Variants in PTPRG observed in about 807,000 individuals in gnomAD.
PTPRG encodes the protein receptor-type tyrosine-protein phosphatase gamma.
In PTPRG, 102 loss-of-function variants were observed where a neutral mutation model predicts 165.3. That is an observed-to-expected ratio of 0.62 (90% CI 0.53 to 0.73). The LOEUF is 0.73. PTPRG is among the 30% of genes least tolerant of loss of function. PTPRG has a pLI of 0.00. For synonymous variants in PTPRG, 675 were observed against 669.5 expected, an observed-to-expected ratio of 1.01 and a Z score of -0.13; for missense variants, 1,866 against 1,861.4, an observed-to-expected ratio of 1.00 and a Z score of -0.05.
chr3:61,808,483 C>T (rs1323456770), intron 2 of PTPRG, among the ~76,000 whole-genome samples: 1 of 152,014 alleles, frequency 6.6e-6, no homozygotes, highest in African/African-American at 2.4e-5. Context: ...GTTTGGGAAC[C>T]CGTAAAAGAA....
chr3:62,209,298 G>A (rs1475624219), intron 12 of PTPRG, among the ~76,000 whole-genome samples: 1 of 152,034 alleles, frequency 6.6e-6, no homozygotes, highest in Admixed American at 6.6e-5. Flanking sequence ...ATGGCGCACA[G>A]GACAGCTCCA....
intron 1 of PTPRG, among the ~76,000 whole-genome samples, chr3:61,619,694 T>C (rs553085110): frequency 6.6e-6 from 1 of 152,290 alleles, no homozygotes; most frequent in East Asian, 1.9e-4. Flanking sequence ...CATGAATTAA[T>C]AGAAAATGGT....
At chr3:62,025,651 A>G (rs2041788498) in intron 4 of PTPRG, among the ~76,000 whole-genome samples, 1 of 152,122 alleles carries the variant, frequency 6.6e-6, no homozygotes, top group African/African-American at 2.4e-5. Flanking sequence ...TCCCTCAGGT[A>G]TCTACCTGTC....
At chr3:61,960,181 C>G (rs2040119439) in intron 2 of PTPRG, among the ~76,000 whole-genome samples, 1 of 151,908 alleles carries the variant, frequency 6.6e-6, no homozygotes, top group Non-Finnish European at 1.5e-5. Context: ...TTCTCCCCCA[C>G]TGGAATGCAA....
In PTPRG at chr3:61,743,634, G is replaced by A. The variant is rs11918730; in HGVS notation, c.86-5244G>A. Among the ~76,000 whole-genome samples the A allele has an allele frequency of 6.3e-3, 955 of 152,126 alleles. 10 individuals are homozygous for A. Among genetic ancestry groups the A allele is most frequent in the African/African-American group, 0.02 (841 of 41,506 alleles). On this transcript the variant is annotated intron_variant, in intron 1 of 29. Coordinates refer to ENST00000474889, the MANE Select transcript of PTPRG (RefSeq NM_002841.4). The stretch of plus-strand genomic sequence containing the variant: ...TACATAACTGATATTCCAATTTCTC[G>A]CTGTGCTATAACATGACTAAAAGTC...
chr3:61,588,302 T>A (rs190896051), intron 1 of PTPRG, among the ~76,000 whole-genome samples: 18 of 152,322 alleles, frequency 1.2e-4, no homozygotes, highest in Non-Finnish European at 1.2e-4. Context: ...TTATACATAC[T>A]TTCCTAAATT....
At chr3:61,775,808 T>G (rs2034361091) in intron 2 of PTPRG, among the ~76,000 whole-genome samples, 2 of 151,782 alleles carry the variant, frequency 1.3e-5, no homozygotes, top group Admixed American at 1.3e-4. Flanking sequence ...ACCATCATTC[T>G]CAGCAAACTA....
intron 5 of PTPRG, among the ~76,000 whole-genome samples, chr3:62,096,879 A>G (rs1702137328): frequency 6.6e-6 from 1 of 152,150 alleles, no homozygotes; most frequent in Admixed American, 6.5e-5. Flanking sequence ...CACATTTTAT[A>G]CTCAGTTATA....
chr3:62,099,368 T>C (rs899489450), intron 5 of PTPRG, among the ~76,000 whole-genome samples: 2 of 152,336 alleles, frequency 1.3e-5, no homozygotes. Flanking sequence ...GCCTGAAAAT[T>C]AATTCTAAGA....
chr3:61,851,895 G>A (rs926219857), intron 2 of PTPRG, among the ~76,000 whole-genome samples: 10 of 152,038 alleles, frequency 6.6e-5, no homozygotes, highest in African/African-American at 2.4e-4. Flanking sequence ...ATTTTAAATT[G>A]GAGTCACGTA....
intron 4 of PTPRG, among the ~76,000 whole-genome samples, chr3:62,067,226 C>CTA (rs1490187214): frequency 6.6e-6 from 1 of 150,396 alleles, no homozygotes; most frequent in Non-Finnish European, 1.5e-5. Context: ...CATCTCAGCA[C>CTA]TATGGACATT....
At chr3:61,754,235 T>G (rs1427907756) in intron 2 of PTPRG, among the ~76,000 whole-genome samples, 1 of 152,200 alleles carries the variant, frequency 6.6e-6, no homozygotes, top group African/African-American at 2.4e-5. Context: ...TCCATGGTCC[T>G]CTCCAACTGT....
Position 61,945,120 on chromosome 3 carries a change from T to C in PTPRG, c.191-44505T>C, listed in dbSNP as rs535533237. 3.9e-5 allele frequency among the ~76,000 whole-genome samples: 6 copies of C among 152,286 alleles called. No homozygotes were observed. In the South Asian group the frequency reaches 1.0e-3, roughly 26 times the overall value. ...CAGGGGCAGAGGTGATCAGTGACCA[T>C]TGCACAGAATATCAGTAAGTGTTGT... is the stretch of plus-strand genomic sequence containing the variant. On this transcript the variant is annotated intron_variant, in intron 2 of 29. Transcript: ENST00000474889.
intron 8 of PTPRG, among the ~76,000 whole-genome samples, chr3:62,187,482 A>G (rs914768259): frequency 2.0e-5 from 3 of 152,196 alleles, no homozygotes; most frequent in Non-Finnish European, 4.4e-5. Context: ...ACACATGAAA[A>G]TCCTATGAAA....
At chr3:62,069,640 T>TCC (rs1386019454) in intron 4 of PTPRG, among the ~76,000 whole-genome samples, 3 of 2,026 alleles carry the variant, frequency 1.5e-3, no homozygotes, top group African/African-American at 3.2e-3. Context: ...GATCGATGTC[T>TCC]CTCTCTCTCT....
At chr3:61,814,781 G>A (rs749540098) in intron 2 of PTPRG, among the ~76,000 whole-genome samples, 3 of 151,012 alleles carry the variant, frequency 2.0e-5, no homozygotes, top group Non-Finnish European at 2.9e-5. Flanking sequence ...GGATGACTGG[G>A]AGGGGCTCAG....
intron 1 of PTPRG, among the ~76,000 whole-genome samples, chr3:61,740,014 T>C (rs1318374553): frequency 1.3e-5 from 2 of 152,186 alleles, no homozygotes; most frequent in African/African-American, 4.8e-5. Flanking sequence ...TGCATACATG[T>C]ACAGTGGGTG....
intron 2 of PTPRG, among the ~76,000 whole-genome samples, chr3:61,781,988 C>T (rs1005489577): frequency 1.2e-4 from 18 of 151,746 alleles, no homozygotes; most frequent in African/African-American, 4.4e-4. Flanking sequence ...TCCTCAACCT[C>T]CCACCGATCT....
intron 26 of PTPRG, among the ~76,000 whole-genome samples, chr3:62,278,006 T>G (rs913737482): frequency 6.6e-6 from 1 of 152,114 alleles, no homozygotes; most frequent in East Asian, 1.9e-4. Context: ...TATGTCACTT[T>G]TGAAAAGTAA....
Sources: gnomAD v4.1 joint callset for allele counts (sites outside exome capture counted in the v4.1 genomes callset) on GRCh38, gnomAD v4.1.1 for gene constraint, MANE v1.5 for transcripts, NCBI Gene and HGNC (gene_info 2026-07-23, HGNC 2026-07-21) for gene names.